HS2ST1: variants seen among roughly 807,000 people sequenced by gnomAD.
HS2ST1 encodes the protein 2-O-sulfotransferase.
HS2ST1 carries 18 observed loss-of-function variants against 42.9 expected under a neutral mutation model. The observed-to-expected ratio is 0.42, with a 90% confidence interval of 0.29 to 0.62. The LOEUF (loss-of-function observed/expected upper bound fraction) is 0.62. HS2ST1 is among the 20% of genes least tolerant of loss of function. The pLI, the probability that HS2ST1 is intolerant of heterozygous loss-of-function variation, is 0.21. For missense variants in HS2ST1, 334 were observed against 433.8 expected (o/e 0.77, Z 2.04); for synonymous variants, 146 against 152.9 (o/e 0.95, Z 0.33).
chr1:87,011,351 A>T (rs968670838), intron 1 of HS2ST1, among the ~76,000 whole-genome samples: 1 of 151,890 alleles, frequency 6.6e-6, no homozygotes, highest in Non-Finnish European at 1.5e-5. Flanking sequence ...GGCTCAAGCA[A>T]TTCTGCCTCT....
chr1:86,974,389 C>T (rs892911978), intron 1 of HS2ST1, among the ~76,000 whole-genome samples: 1 of 152,192 alleles, frequency 6.6e-6, no homozygotes, highest in African/African-American at 2.4e-5. Context: ...TGTGCACCTC[C>T]TCTACCTTGC....
At chr1:87,043,101 C>A (rs886578975) in intron 1 of HS2ST1, among the ~76,000 whole-genome samples, 4 of 152,000 alleles carry the variant, frequency 2.6e-5, no homozygotes, top group Admixed American at 1.3e-4. Context: ...ACAAATCTTT[C>A]TATGTAGAGA....
At chr1:87,071,321 C>G (rs1366844053) in intron 1 of HS2ST1, among the ~76,000 whole-genome samples, 2 of 152,176 alleles carry the variant, frequency 1.3e-5, no homozygotes, top group South Asian at 2.1e-4. Context: ...TGCTTTTCAT[C>G]TTACTTTATT....
chr1:87,104,716 G>A lies in HS2ST1; in HGVS notation c.*20G>A. 1 of 1,430,900 alleles carries A rather than the reference G, an allele frequency of 7.0e-7. No homozygotes were observed. The allele number at this position is 1,430,900 out of a possible 1,614,324, so 88.6% of individuals were successfully genotyped here. The stretch of plus-strand genomic sequence containing the variant: ...AACTGAGTATAAGGTGTGACTATTG[G>A]ATTCTTGAACTAAAATTTGACCCTG... On this transcript the variant is annotated 3_prime_UTR_variant, in exon 7 of 7. Transcript: ENST00000370550.
At chr1:86,980,543 TAAAC>T (rs1435115208) in intron 1 of HS2ST1, among the ~76,000 whole-genome samples, 1 of 152,142 alleles carries the variant, frequency 6.6e-6, no homozygotes, top group Non-Finnish European at 1.5e-5. Context: ...AATAATTACA[TAAAC>T]AATAAATTAA....
intron 1 of HS2ST1, among the ~76,000 whole-genome samples, chr1:87,043,853 A>G (rs1156896314): frequency 2.0e-5 from 3 of 152,222 alleles, no homozygotes; most frequent in African/African-American, 2.4e-5. Context: ...GGGTGACTAT[A>G]TTTGTACCAT....
At chr1:87,103,297 A>G (rs1652258303) in intron 5 of HS2ST1, 135 bp from the exon 6 acceptor site, 3 of 685,890 alleles carry the variant, frequency 4.4e-6, no homozygotes, top group Non-Finnish European at 6.9e-6. Flanking sequence ...CTCCCACAGG[A>G]TGGTAATAAA....
chr1:87,087,891 C>T (rs1328089574), intron 3 of HS2ST1, among the ~76,000 whole-genome samples: 1 of 152,070 alleles, frequency 6.6e-6, no homozygotes, highest in Non-Finnish European at 1.5e-5. Flanking sequence ...GACAGATCTG[C>T]CATTAAATCC....
intron 1 of HS2ST1, among the ~76,000 whole-genome samples, chr1:86,926,694 T>C (rs1242592861): frequency 6.6e-6 from 1 of 152,182 alleles, no homozygotes. Context: ...GAGGGGAAAG[T>C]AGTGAAGTTG....
chr1:87,077,512 A>T (rs1050492265), intron 2 of HS2ST1, among the ~76,000 whole-genome samples: 3 of 152,142 alleles, frequency 2.0e-5, no homozygotes, highest in African/African-American at 7.2e-5. Flanking sequence ...GCCATCCTAC[A>T]TATTAATTAC....
At chr1:86,939,472 T>C (rs1442518425) in intron 1 of HS2ST1, among the ~76,000 whole-genome samples, 1 of 152,246 alleles carries the variant, frequency 6.6e-6, no homozygotes, top group African/African-American at 2.4e-5. Context: ...TTTTACTCCA[T>C]GTCATGGATG....
chr1:87,100,524 C>T (rs1652173737), intron 5 of HS2ST1, among the ~76,000 whole-genome samples: 3 of 152,176 alleles, frequency 2.0e-5, no homozygotes, highest in Non-Finnish European at 2.9e-5. Flanking sequence ...AGGCCTTTTT[C>T]CCATTGTCTT....
rs150533476 is a variant in HS2ST1 at position 86,965,181 on chromosome 1, A to G, written c.124+50021A>G. 3.1e-3 allele frequency among the ~76,000 whole-genome samples: 465 copies of G among 152,288 alleles called. 1 individual carries two copies. Among genetic ancestry groups the G allele is most frequent in the Middle Eastern group, 0.024 (7 of 294 alleles). ...TCAGGATGACTGGAAAATGAGCACA[A>G]TTGAGTGGCATTTTGTGCCTGGTAC... On this transcript the variant is annotated intron_variant, in intron 1 of 6. Coordinates refer to ENST00000370550, the MANE Select transcript of HS2ST1 (RefSeq NM_012262.4).
At chr1:87,047,466 G>A (rs1454483512) in intron 1 of HS2ST1, among the ~76,000 whole-genome samples, 1 of 152,006 alleles carries the variant, frequency 6.6e-6, no homozygotes, top group Admixed American at 6.6e-5. Flanking sequence ...CTTGTTTACT[G>A]TGTCATATTT....
chr1:87,038,991 C>T lies in HS2ST1; in HGVS notation c.125-33943C>T, dbSNP rs139918716. ...ACAATTGAAAAGTATTTTTAAATTT[C>T]CCATGTATATGGAAAAAATAAATTA... On this transcript the variant is annotated intron_variant, in intron 1 of 6. Coordinates refer to ENST00000370550, the MANE Select transcript of HS2ST1 (RefSeq NM_012262.4). Among the ~76,000 whole-genome samples, 12 of 151,708 alleles carry T rather than the reference C, an allele frequency of 7.9e-5. No homozygotes were observed. In the East Asian group the frequency reaches 2.3e-3, roughly 30 times the overall value.
chr1:87,020,302 C>T (rs949589583), intron 1 of HS2ST1, among the ~76,000 whole-genome samples: 2 of 152,102 alleles, frequency 1.3e-5, no homozygotes, highest in Non-Finnish European at 2.9e-5. Context: ...GTTTTTAGTT[C>T]TCACAGTGTA....
At chr1:87,045,073 C>CAAAG in intron 1 of HS2ST1, 1 of 1,062,776 alleles carries the variant, frequency 9.4e-7, no homozygotes, top group Non-Finnish European at 1.5e-6. Flanking sequence ...GAATCTTCTT[C>CAAAG]ATCCGAATCA....
chr1:87,038,482 A>G (rs1032041687), intron 1 of HS2ST1, among the ~76,000 whole-genome samples: 2 of 152,180 alleles, frequency 1.3e-5, no homozygotes, highest in African/African-American at 4.8e-5. Context: ...TTCAAATTCA[A>G]TAAAATTAAG....
chr1:86,925,756 C>A (rs769057338), intron 1 of HS2ST1, among the ~76,000 whole-genome samples: 3 of 152,192 alleles, frequency 2.0e-5, no homozygotes, highest in Non-Finnish European at 4.4e-5. Context: ...CAAACCATAT[C>A]ACATGCTTTT....
Sources: gnomAD v4.1 joint callset for allele counts (sites outside exome capture counted in the v4.1 genomes callset) on GRCh38, gnomAD v4.1.1 for gene constraint, MANE v1.5 for transcripts, NCBI Gene and HGNC (gene_info 2026-07-23, HGNC 2026-07-21) for gene names.